Variants in HOMER2 observed in about 807,000 individuals in gnomAD.
HOMER2 encodes the protein homer protein homolog 2.
Under a neutral mutation model 47.0 loss-of-function variants are expected in HOMER2, and 27 were observed. The observed-to-expected ratio is 0.57, with a 90% CI of 0.42 to 0.79. The LOEUF is 0.79. Ranked by LOEUF, HOMER2 falls within the 30% of genes least tolerant of loss-of-function variation. The probability of loss-of-function intolerance (pLI) is 0.00; values close to 1 mark genes in which losing one functional copy is unlikely to be tolerated. For synonymous variants in HOMER2, 161 were observed against 163.8 expected (o/e 0.98, Z 0.13); for missense variants, 443 against 435.0 (o/e 1.02, Z -0.16).
intron 1 of HOMER2, among the ~76,000 whole-genome samples, chr15:82,969,148 C>T (rs1412442528): frequency 6.6e-6 from 1 of 152,234 alleles, no homozygotes; most frequent in Non-Finnish European, 1.5e-5. Flanking sequence ...AACTGCACTG[C>T]ATCGATACAC....
chr15:82,963,488 G>A (rs922531529), intron 1 of HOMER2, among the ~76,000 whole-genome samples: 2 of 152,166 alleles, frequency 1.3e-5, no homozygotes, highest in African/African-American at 4.8e-5. Flanking sequence ...AATAGACTGA[G>A]CCCATTACTA....
chr15:82,834,873 T>C (rs1228847978), downstream of HOMER2: 1 of 152,164 alleles, frequency 6.6e-6, no homozygotes, highest in African/African-American at 2.4e-5. Context: ...GATGGAGCAA[T>C]AGTGTTATTT....
intron 1 of HOMER2, among the ~76,000 whole-genome samples, chr15:82,949,621 T>C (rs1328595277): frequency 6.6e-6 from 1 of 152,116 alleles, no homozygotes; most frequent in Non-Finnish European, 1.5e-5. Context: ...GGTTTGGATG[T>C]ATCTTCTGAG....
intron 1 of HOMER2, among the ~76,000 whole-genome samples, chr15:82,908,181 T>C (rs2053344388): frequency 6.6e-6 from 1 of 152,140 alleles, no homozygotes; most frequent in Non-Finnish European, 1.5e-5. Flanking sequence ...AATTAGATTG[T>C]GGTGATGGTT....
At chr15:82,983,954 A>G (rs762106472) in intron 1 of HOMER2, among the ~76,000 whole-genome samples, 2 of 151,736 alleles carry the variant, frequency 1.3e-5, no homozygotes, top group Non-Finnish European at 2.9e-5. Flanking sequence ...GTATAGTACT[A>G]TTTACTATTT....
At chr15:82,955,273 A>G (rs1418057786), upstream of HOMER2, among the ~76,000 whole-genome samples, 4 of 142,568 alleles carry the variant, frequency 2.8e-5, no homozygotes, top group African/African-American at 1.1e-4. Flanking sequence ...GGGTTCATGC[A>G]ATTCTCCTGC....
At position 82,929,732 on chromosome 15, in the gene HOMER2, T is replaced by C. The variant is rs565127675; in HGVS notation, c.5+22799A>G. Among the ~76,000 whole-genome samples, 9 of 151,422 alleles carry C rather than the reference T, an allele frequency of 5.9e-5. No homozygotes were observed. The South Asian group carries it at 6.3e-4, about 11-fold the overall frequency. On this transcript the variant is annotated intron_variant, in intron 1 of 8. Transcript: ENST00000450735. Reference sequence around the variant, plus strand: ...CTGTTACAGGTATGCTAACACAGTTTTGTTGTTTTTTTTTTGAGACGGAGT... The same window carrying C: ...CTGTTACAGGTATGCTAACACAGTTCTGTTGTTTTTTTTTTGAGACGGAGT...
chr15:82,961,867 G>A (rs899797873), intron 1 of HOMER2, among the ~76,000 whole-genome samples: 6 of 152,040 alleles, frequency 3.9e-5, no homozygotes, highest in Admixed American at 2.0e-4. Context: ...TGGCTCAAGC[G>A]ATTCTCCTGC....
upstream of HOMER2, among the ~76,000 whole-genome samples, chr15:82,957,529 G>A (rs2054596845): frequency 6.6e-6 from 1 of 152,188 alleles, no homozygotes. Flanking sequence ...GAAACAGCTT[G>A]TGTACTTCCT....
At chr15:82,926,542 G>A (rs1354853774) in intron 1 of HOMER2, 1 of 152,220 alleles carries the variant, frequency 6.6e-6, no homozygotes, top group African/African-American at 2.4e-5. Flanking sequence ...ACAAAAATTA[G>A]CTGGGCGTGT....
At chr15:82,882,698 C>G (rs2052562834) in intron 2 of HOMER2, among the ~76,000 whole-genome samples, 1 of 152,210 alleles carries the variant, frequency 6.6e-6, no homozygotes, top group South Asian at 2.1e-4. Flanking sequence ...GAGCGTGACA[C>G]ATGCTTGGAC....
At chr15:82,892,326 A>G (rs2052737368) in intron 2 of HOMER2, among the ~76,000 whole-genome samples, 1 of 152,168 alleles carries the variant, frequency 6.6e-6, no homozygotes, top group South Asian at 2.1e-4. Context: ...CCTAAGGACT[A>G]TTCAAAAGAA....
At chr15:82,922,147 C>A (rs1018203110) in intron 1 of HOMER2, among the ~76,000 whole-genome samples, 4 of 152,194 alleles carry the variant, frequency 2.6e-5, no homozygotes, top group Non-Finnish European at 5.9e-5. Context: ...TACATCCCAG[C>A]TTGTCACACC....
intron 1 of HOMER2, among the ~76,000 whole-genome samples, chr15:82,938,535 C>G (rs1207786300): frequency 3.9e-5 from 6 of 152,148 alleles, no homozygotes; most frequent in Non-Finnish European, 1.5e-5. Flanking sequence ...TACTGCCTCT[C>G]ATCCTTCTCT....
intron 5 of HOMER2, among the ~76,000 whole-genome samples, chr15:82,857,078 C>T (rs1273853863): frequency 6.6e-6 from 1 of 151,976 alleles, no homozygotes; most frequent in Admixed American, 6.6e-5. Context: ...ACGTTGAAAC[C>T]CTACCCCTAA....
intron 1 of HOMER2, among the ~76,000 whole-genome samples, chr15:82,934,173 TG>T (rs952887620): frequency 1.3e-5 from 2 of 152,132 alleles, no homozygotes; most frequent in Admixed American, 6.5e-5. Flanking sequence ...GGTATCCTGG[TG>T]GCCCCCATCA....
intron 1 of HOMER2, among the ~76,000 whole-genome samples, chr15:82,910,361 G>C (rs1179963273): frequency 6.6e-6 from 1 of 152,130 alleles, no homozygotes; most frequent in Non-Finnish European, 1.5e-5. Flanking sequence ...CGCTGCCGAG[G>C]AGTCCAGTGG....
downstream of HOMER2, chr15:82,844,257 C>T (rs572571504): frequency 3.3e-5 from 5 of 151,992 alleles, no homozygotes; most frequent in African/African-American, 9.7e-5. Flanking sequence ...GATAGGGAGG[C>T]GCGTACTTTT....
exon 2 of HOMER2, chr15:82,841,878 A>G (rs1315775038): frequency 6.6e-6 from 1 of 152,242 alleles, no homozygotes; most frequent in African/African-American, 2.4e-5. Context: ...TGCAAAGAGA[A>G]AAATGCTAAC....
Sources: allele counts gnomAD v4.1 joint callset (sites outside exome capture counted in the v4.1 genomes callset), GRCh38; gene constraint gnomAD v4.1.1; transcripts MANE v1.5; gene names NCBI Gene and HGNC (gene_info 2026-07-23, HGNC 2026-07-21).